OAS2: variants seen among roughly 807,000 people sequenced by gnomAD.
The protein encoded by OAS2 is 2'-5'-oligoadenylate synthetase 2.
Under a neutral mutation model 71.3 loss-of-function variants are expected in OAS2, and 67 were observed. That is an observed-to-expected ratio of 0.94 (90% CI 0.77 to 1.15). The LOEUF (loss-of-function observed/expected upper bound fraction) is 1.15, where lower values mean the gene tolerates loss of function less well. OAS2 is among the 50% of genes most tolerant of loss of function. The pLI, the probability that OAS2 is intolerant of heterozygous loss-of-function variation, is 0.00. For synonymous variants in OAS2, 327 were observed against 321.8 expected, an observed-to-expected ratio of 1.02 and a Z score of -0.17; for missense variants, 789 against 822.5, an observed-to-expected ratio of 0.96 and a Z score of 0.50.
intron 5 of OAS2, among the ~76,000 whole-genome samples, chr12:112,998,981 G>A (rs1414214006): frequency 1.3e-5 from 2 of 152,226 alleles, no homozygotes; most frequent in Non-Finnish European, 2.9e-5. Context: ...CAATGACTGT[G>A]AAGTGCAAAA....
chr12:113,005,313 T>G, intron 7 of OAS2, 91 bp downstream of exon 7: 1 of 1,284,724 alleles, frequency 7.8e-7, no homozygotes, highest in South Asian at 1.4e-5. Flanking sequence ...TGAAAACATG[T>G]GCCACTCATG....
chr12:112,996,231 A>G (rs2044231118), intron 3 of OAS2, among the ~76,000 whole-genome samples: 1 of 152,102 alleles, frequency 6.6e-6, no homozygotes, highest in Non-Finnish European at 1.5e-5. Flanking sequence ...GTCATTTTCA[A>G]ATTGGGGCAA....
Position 112,998,206 on chromosome 12 carries a change from A to G in OAS2, c.864-60A>G, listed in dbSNP as rs2044253031. 1.9e-6 allele frequency: 3 copies of G among 1,576,864 alleles called. No homozygotes were observed. In the Admixed American group the frequency reaches 5.9e-5, roughly 31 times the overall value. On this transcript the variant is annotated intron_variant, in intron 4 of 9. Transcript: ENST00000392583. Reference sequence around the variant, plus strand: ...CCCACTCCAGGCCTCTTTCCCCAAAACAGATTTTGCCTCCCACAAGCAGCT... The same window carrying G: ...CCCACTCCAGGCCTCTTTCCCCAAAGCAGATTTTGCCTCCCACAAGCAGCT...
rs2044253583 is a variant in OAS2, at chr12:112,998,262, A to C, written c.864-4A>C. 1 of 1,612,032 alleles carries C rather than the reference A, an allele frequency of 6.2e-7. No individual in the cohort carries two copies. Among genetic ancestry groups the C allele is most frequent in the Non-Finnish European group, 8.5e-7 (1 of 1,179,242 alleles). ...GACTTTTTTTAATCTAATGGAATAC[A>C]CAGGCCAGTAATCTTGGATCCAGTT... On this transcript the variant is annotated splice_region_variant and splice_polypyrimidine_tract_variant and intron_variant, in intron 4 of 9. Transcript: ENST00000392583.
intron 1 of OAS2, among the ~76,000 whole-genome samples, chr12:112,982,243 G>A (rs771560468): frequency 2.0e-5 from 3 of 152,046 alleles, no homozygotes; most frequent in Non-Finnish European, 1.5e-5. Context: ...GGATTGCTTT[G>A]GCTAGGACTT....
chr12:113,010,024 T>G lies in OAS2; in HGVS notation c.*769T>G. 1.0e-6 allele frequency: 1 copy of G among 969,548 alleles called. No homozygotes were observed. The highest frequency in any genetic ancestry group is 1.2e-6 in the Non-Finnish European group (1 of 812,436). The allele number at this position is 969,548 out of a possible 1,614,324, so 60.1% of individuals were successfully genotyped here. ...TTTGTTTGGAGGCTCTCTTGTGCAT[T>G]GTAGGATGTTGAGCAGCATCTCTGG... On this transcript the variant is annotated 3_prime_UTR_variant, in exon 10 of 10. Transcript: ENST00000392583.
intron 1 of OAS2, 52 bp from the exon 2 acceptor site, chr12:112,986,986 C>T: frequency 6.5e-7 from 1 of 1,545,952 alleles, no homozygotes; most frequent in East Asian, 2.3e-5. Context: ...TGCTAGAGAT[C>T]CCTGTAACCC....
At position 113,002,918 on chromosome 12, in the gene OAS2, C is replaced by T. The variant is rs1245357614; in HGVS notation, c.1009-14C>T. 4 of 1,612,682 alleles carry T rather than the reference C, an allele frequency of 2.5e-6. No individual in the cohort carries two copies. ...AGGTGCCACTCACACTTGGGGTCTTCCTTCCTTCCCCAGCCTGCACCACTC... is the reference window on the plus strand; with the variant it reads ...AGGTGCCACTCACACTTGGGGTCTTTCTTCCTTCCCCAGCCTGCACCACTC... On this transcript the variant is annotated splice_polypyrimidine_tract_variant and intron_variant, in intron 5 of 9. Transcript: ENST00000392583.
chr12:113,009,233 A>G lies in OAS2; in HGVS notation c.2042A>G (p.Lys681Arg). ...DGTGNPIPPWKVPVKVI is the reference protein window; with the variant it reads ...DGTGNPIPPWRVPVKVI ...ACTGGAAACCCAATACCACCTTGGA[A>G]AGTGCCGGTAAAAGTCATCTAAAGG... The change falls in exon 10 of 10, where the codon AAA becomes AGA. Residue 681 changes from lysine to arginine, a missense_variant. Lys to Arg is a conservative substitution (Grantham distance 26). Coordinates refer to ENST00000392583, the MANE Select transcript of OAS2 (RefSeq NM_002535.3). 2 of 1,614,062 alleles carry G rather than the reference A, an allele frequency of 1.2e-6. No individual in the cohort carries two copies. Among genetic ancestry groups the G allele is most frequent in the Admixed American group, 1.7e-5 (1 of 60,024 alleles).
At chr12:112,986,931 T>G (rs547059031) in intron 1 of OAS2, 107 bp from the exon 2 acceptor site, 1 of 1,442,772 alleles carries the variant, frequency 6.9e-7, no homozygotes, top group South Asian at 1.4e-5. Flanking sequence ...CACTCAATGT[T>G]AAGACCATTT....
chr12:113,000,725 TCACACACATGCACA>T (rs1565995559), intron 5 of OAS2, among the ~76,000 whole-genome samples: 3 of 151,124 alleles, frequency 2.0e-5, no homozygotes, highest in Admixed American at 6.6e-5. Context: ...ACACATGCAC[TCACACACATGCACA>T]CACATGCACT....
chr12:113,010,572 T>A lies in OAS2; in HGVS notation c.*1317T>A. ...TTCTTCCCTTGATGGTCCCTATTCC[T>A]CCTTCCCTTGCTTCTTGGACTTCTT... On this transcript the variant is annotated 3_prime_UTR_variant, in exon 10 of 10. Transcript: ENST00000392583. 1 of 1,537,952 alleles carries A rather than the reference T, an allele frequency of 6.5e-7. No individual in the cohort carries two copies. The highest frequency in any genetic ancestry group is 1.4e-5 in the African/African-American group (1 of 72,592).
chr12:112,996,762 A>G (rs989806838), intron 3 of OAS2, among the ~76,000 whole-genome samples: 1 of 152,110 alleles, frequency 6.6e-6, no homozygotes, highest in Admixed American at 6.6e-5. Flanking sequence ...GTCTCCAAGC[A>G]GGAGGGAGGA....
intron 2 of OAS2, chr12:112,987,540 T>A (rs1425368479): frequency 7.1e-7 from 1 of 1,404,344 alleles, no homozygotes; most frequent in Admixed American, 3.1e-5. Flanking sequence ...GATTCTAGAA[T>A]CTAAGGCAGA....
In OAS2 at chr12:112,997,758, G is replaced by A. The variant is rs1188220879; in HGVS notation, c.863+3G>A. On this transcript the variant is annotated splice_donor_region_variant and intron_variant, in intron 4 of 9. Coordinates refer to ENST00000392583, the MANE Select transcript of OAS2 (RefSeq NM_002535.3). ...CTGCACCAGCTCCAATCAGCGAGGT[G>A]CCAAGCTTCTCACACCCTATCCCTG... The A allele has an allele frequency of 6.4e-7, 1 of 1,568,568 alleles. No homozygotes were observed. Among genetic ancestry groups the A allele is most frequent in the Non-Finnish European group, 8.7e-7 (1 of 1,155,398 alleles).
At position 113,007,890 on chromosome 12, in the gene OAS2, C is replaced by T. The variant is rs768943499; in HGVS notation, c.1842C>T (p.Asn614=). The stretch of plus-strand genomic sequence containing the variant: ...GCATCTTCTGGAAGGTCAATTACAA[C>T]TTTGAAGATGAGACCGTGAGGAAGT... The part of the protein sequence containing the change: ...QLCIFWKVNY[N]FEDETVRKFL... Residue 614 remains asparagine, a synonymous_variant, in exon 9 of 10, where the codon AAC becomes AAT. Transcript: ENST00000392583. 6.2e-7 allele frequency: 1 copy of T among 1,614,182 alleles called. No individual in the cohort carries two copies. The highest frequency in any genetic ancestry group is 1.1e-5 in the South Asian group (1 of 91,088).
chr12:112,982,554 G>A (rs1258034949), intron 1 of OAS2, among the ~76,000 whole-genome samples: 1 of 150,482 alleles, frequency 6.6e-6, no homozygotes, highest in Non-Finnish European at 1.5e-5. Context: ...TCTTTTCGAA[G>A]TATTATTGGA....
At position 113,009,804 on chromosome 12, in the gene OAS2, G is replaced by A; in HGVS notation, c.*549G>A. On this transcript the variant is annotated 3_prime_UTR_variant, in exon 10 of 10. Transcript: ENST00000392583. ...TGAAGGTGGCTACAAAGATGACTGT[G>A]GACGTGGGTTGCACTGGCCACCCAA... 5 of 986,888 alleles carry A rather than the reference G, an allele frequency of 5.1e-6. No individual in the cohort carries two copies. Among genetic ancestry groups the A allele is most frequent in the Non-Finnish European group, 6.0e-6 (5 of 831,108 alleles). 61.1% of individuals were successfully genotyped at this position (986,888 alleles called of 1,614,324 possible). A position where few individuals can be genotyped will look rare whatever the true frequency, so the allele number is the denominator to read the frequency against.
In OAS2 at chr12:113,006,571, A is replaced by C; in HGVS notation, c.1627A>C (p.Ile543Leu). 6.2e-7 allele frequency: 1 copy of C among 1,608,978 alleles called. No individual in the cohort carries two copies. The highest frequency in any genetic ancestry group is 8.5e-7 in the Non-Finnish European group (1 of 1,176,048). Residue 543 changes from isoleucine (I) to leucine (L), a missense_variant, in exon 8 of 10, where the codon ATT (isoleucine) becomes CTT (leucine). Ile to Leu is a conservative substitution (Grantham distance 5). Coordinates refer to ENST00000392583, the MANE Select transcript of OAS2 (RefSeq NM_002535.3). ...RSRPTKLKDL[I>L]RLVKHWYKEC... ...CCGGCCCACCAAACTAAAGGATTTA[A>C]TTCGCCTGGTGAAGCACTGGTACAA...
Sources: allele counts gnomAD v4.1 joint callset (sites outside exome capture counted in the v4.1 genomes callset), GRCh38; gene constraint gnomAD v4.1.1; transcripts MANE v1.5; gene names NCBI Gene and HGNC (gene_info 2026-07-23, HGNC 2026-07-21).